LMBRD1: variants seen among roughly 807,000 people sequenced by gnomAD.
The protein encoded by LMBRD1 is LMBR1 domain containing 1, also known as lysosomal cobalamin transport escort protein LMBD1.
LMBRD1 carries 64 observed loss-of-function variants against 74.8 expected under a neutral mutation model. The ratio of observed to expected loss-of-function variants is 0.86; its 90% CI spans 0.70 to 1.05. The LOEUF (loss-of-function observed/expected upper bound fraction) is 1.05. Among genes scored for constraint, LMBRD1 ranks in the 50% least tolerant of loss-of-function variants. LMBRD1 has a pLI of 0.00. For synonymous variants in LMBRD1, 204 were observed against 216.3 expected (o/e 0.94, Z 0.50); for missense variants, 652 against 645.9 (o/e 1.01, Z -0.10).
At chr6:69,709,927 A>G (rs548270524) in intron 9 of LMBRD1, among the ~76,000 whole-genome samples, 28 of 152,338 alleles carry the variant, frequency 1.8e-4, no homozygotes, top group African/African-American at 6.0e-4. Flanking sequence ...TGGATAGAAT[A>G]TATCAATTCT....
rs1042510223 is a variant in LMBRD1, at chr6:69,763,589, C to T, written c.308-11233G>A. Among the ~76,000 whole-genome samples, 21 of 152,166 alleles carry T rather than the reference C, an allele frequency of 1.4e-4. 1 individual carries two copies. Among genetic ancestry groups the T allele is most frequent in the Non-Finnish European group, 7.4e-5 (5 of 68,018 alleles). On this transcript the variant is annotated intron_variant, in intron 3 of 15. Coordinates refer to ENST00000649934, the MANE Select transcript of LMBRD1 (RefSeq NM_018368.4). ...AAAGGTGATTAAGAGATCAAGGCTGCATCCTCATTTCAAAGGGGGTGGGAG... is the reference window on the plus strand; with the variant it reads ...AAAGGTGATTAAGAGATCAAGGCTGTATCCTCATTTCAAAGGGGGTGGGAG...
intron 14 of LMBRD1, among the ~76,000 whole-genome samples, chr6:69,683,502 G>A (rs752313090): frequency 7.9e-5 from 12 of 152,016 alleles, no homozygotes; most frequent in Non-Finnish European, 1.6e-4. Flanking sequence ...GGAGACCAAA[G>A]TATGGCACTT....
Position 69,699,188 on chromosome 6 carries a change from T to A in LMBRD1, c.1193A>T (p.Tyr398Phe), listed in dbSNP as rs747603044. 4 of 1,611,146 alleles carry A rather than the reference T, an allele frequency of 2.5e-6. No homozygotes were observed. The Admixed American group carries it at 5.0e-5, about 20-fold the overall frequency. ...CCTGGTTCTACCTCTTCTGATTTTA[T>A]ATAACTGGAAAGAAAAGAGTGACAA... Reference protein sequence around the residue: ...IGIWFFWIRLYKIRRGRTRPQ... With the variant: ...IGIWFFWIRLFKIRRGRTRPQ... Residue 398 changes from tyrosine (Y) to phenylalanine (F), a missense_variant, in exon 13 of 16, where the codon TAT becomes TTT. By Grantham distance (22) the Tyr-to-Phe change is conservative (BLOSUM62 3). Around this residue, in one of 3 missense-constraint regions of LMBRD1, gnomAD observed 598 missense variants for 581.8 expected, o/e 1.03. Coordinates refer to ENST00000649934, the MANE Select transcript of LMBRD1 (RefSeq NM_018368.4).
chr6:69,712,490 C>T (rs186869997), intron 9 of LMBRD1, among the ~76,000 whole-genome samples: 1 of 150,582 alleles, frequency 6.6e-6, no homozygotes, highest in African/African-American at 2.4e-5. Flanking sequence ...ACAACCCATA[C>T]AAATAGATAA....
chr6:69,747,903 T>G (rs1479747086), intron 5 of LMBRD1, among the ~76,000 whole-genome samples: 2 of 152,248 alleles, frequency 1.3e-5, no homozygotes, highest in African/African-American at 4.8e-5. Context: ...CAAGACCTTT[T>G]GTCAATCAGT....
intron 14 of LMBRD1, among the ~76,000 whole-genome samples, chr6:69,692,695 C>T (rs1336387461): frequency 4.6e-5 from 7 of 151,980 alleles, no homozygotes; most frequent in African/African-American, 1.7e-4. Flanking sequence ...CTTTTGGGTC[C>T]ACAGAAAGGT....
intron 8 of LMBRD1, among the ~76,000 whole-genome samples, chr6:69,716,015 C>G (rs1766481464): frequency 1.3e-5 from 2 of 152,124 alleles, no homozygotes; most frequent in South Asian, 4.1e-4. Flanking sequence ...TGCAGTCTAC[C>G]ATTGATGAGC....
intron 4 of LMBRD1, among the ~76,000 whole-genome samples, chr6:69,749,892 ACT>A (rs1562111586): frequency 6.5e-4 from 85 of 131,068 alleles, no homozygotes; most frequent in African/African-American, 2.3e-3. Flanking sequence ...ACATATACAT[ACT>A]CATATATACA....
chr6:69,777,770 T>A (rs1370457112), intron 3 of LMBRD1, among the ~76,000 whole-genome samples: 2 of 152,080 alleles, frequency 1.3e-5, no homozygotes, highest in Non-Finnish European at 2.9e-5. Context: ...CAAGGTTAGA[T>A]CATGAAAATA....
chr6:69,737,127 C>T lies in LMBRD1; in HGVS notation c.636+815G>A, dbSNP rs796761044. ...CATTTCCTTTATGTCTAAAGGAAGA[C>T]ATCTTAAGAAAATACCCAAAAATGT... On this transcript the variant is annotated intron_variant, in intron 7 of 15. Coordinates refer to ENST00000649934, the MANE Select transcript of LMBRD1 (RefSeq NM_018368.4). Among the ~76,000 whole-genome samples, 3 of 152,054 alleles carry T rather than the reference C, an allele frequency of 2.0e-5. No homozygotes were observed. The South Asian group carries it at 6.2e-4, about 32-fold the overall frequency.
intron 3 of LMBRD1, among the ~76,000 whole-genome samples, chr6:69,761,100 G>A (rs1414791556): frequency 6.6e-6 from 1 of 152,214 alleles, no homozygotes; most frequent in Non-Finnish European, 1.5e-5. Flanking sequence ...TTTGTTACAT[G>A]ACAGTAGATA....
chr6:69,747,170 G>C (rs1423462376), intron 5 of LMBRD1, among the ~76,000 whole-genome samples: 1 of 152,128 alleles, frequency 6.6e-6, no homozygotes, highest in Non-Finnish European at 1.5e-5. Context: ...AGTCACAAGG[G>C]TGGGGCCCTA....
intron 3 of LMBRD1, among the ~76,000 whole-genome samples, chr6:69,753,022 T>C (rs1341268990): frequency 6.6e-6 from 1 of 152,220 alleles, no homozygotes; most frequent in Non-Finnish European, 1.5e-5. Flanking sequence ...TAGCTCTTCA[T>C]GACCCTGTTT....
intron 3 of LMBRD1, among the ~76,000 whole-genome samples, chr6:69,761,173 ATACAAC>A (rs1268302895): frequency 2.0e-5 from 3 of 152,222 alleles, no homozygotes; most frequent in African/African-American, 7.2e-5. Flanking sequence ...TTCTAAGAAT[ATACAAC>A]TTGAGAATAA....
Position 69,676,430 on chromosome 6 carries a change from C to G in LMBRD1, c.1509+20G>C, listed in dbSNP as rs116095397. On this transcript the variant is annotated intron_variant, in intron 15 of 15. Transcript: ENST00000649934. ...ATTTATAAAGGAAGGTCAAATCACG[C>G]GTGGGATATCTGCACTTACCCCAAG... 8.5e-4 allele frequency: 1,359 copies of G among 1,601,804 alleles called. 5 individuals carry two copies. In the African/African-American group the frequency reaches 0.013, roughly 16 times the overall value.
At chr6:69,717,395 G>C (rs1766515133) in intron 8 of LMBRD1, among the ~76,000 whole-genome samples, 1 of 151,940 alleles carries the variant, frequency 6.6e-6, no homozygotes, top group African/African-American at 2.4e-5. Context: ...TCCTATATTT[G>C]ACGTTAATGG....
At chr6:69,769,769 C>A (rs1378169956) in intron 3 of LMBRD1, among the ~76,000 whole-genome samples, 5 of 150,384 alleles carry the variant, frequency 3.3e-5, no homozygotes, top group Non-Finnish European at 7.4e-5. Context: ...TTTATCCCAG[C>A]TCAAAAAAAT....
chr6:69,770,834 T>C (rs1380929974), intron 3 of LMBRD1, among the ~76,000 whole-genome samples: 5 of 151,742 alleles, frequency 3.3e-5, no homozygotes, highest in East Asian at 1.9e-4. Flanking sequence ...AGAAAAAAAA[T>C]AGACTAGGAT....
At chr6:69,735,414 T>C (rs1164558629) in intron 7 of LMBRD1, among the ~76,000 whole-genome samples, 1 of 150,570 alleles carries the variant, frequency 6.6e-6, no homozygotes, top group Non-Finnish European at 1.5e-5. Context: ...ACTGTTCTTT[T>C]TTCACATCAA....
Sources: allele counts gnomAD v4.1 joint callset (sites outside exome capture counted in the v4.1 genomes callset), GRCh38; gene constraint gnomAD v4.1.1; regional missense constraint gnomAD v4.1.1; transcripts MANE v1.5; gene names NCBI Gene and HGNC (gene_info 2026-07-23, HGNC 2026-07-21).